The following DLG2 variants were observed in gnomAD, a reference collection of about 807,000 sequenced individuals.
The protein encoded by DLG2 is discs large MAGUK scaffold protein 2.
DLG2 carries 45 observed loss-of-function variants against 132.5 expected under a neutral mutation model. The ratio of observed to expected loss-of-function variants is 0.34; its 90% CI spans 0.27 to 0.44. The LOEUF (loss-of-function observed/expected upper bound fraction) is 0.44. Ranked by LOEUF, DLG2 falls within the 20% of genes least tolerant of loss-of-function variation. The pLI is 1.00. For missense variants in DLG2, 1,045 were observed against 1,196.9 expected (o/e 0.87, Z 1.87); for synonymous variants, 424 against 419.6 (o/e 1.01, Z -0.13).
At chr11:85,497,275 G>T (rs559674222) in intron 3 of DLG2, among the ~76,000 whole-genome samples, 2 of 151,878 alleles carry the variant, frequency 1.3e-5, no homozygotes, top group East Asian at 3.9e-4. Flanking sequence ...AGAATTTAGT[G>T]AAGCATACAC....
intron 19 of DLG2, among the ~76,000 whole-genome samples, chr11:83,577,647 T>A (rs1421051521): frequency 8.0e-6 from 1 of 125,440 alleles, no homozygotes; most frequent in Non-Finnish European, 1.6e-5. Context: ...AGGATATATT[T>A]ATAATATATA....
At chr11:85,402,084 T>G (rs1001881969) in intron 3 of DLG2, among the ~76,000 whole-genome samples, 2 of 152,130 alleles carry the variant, frequency 1.3e-5, no homozygotes, top group Non-Finnish European at 2.9e-5. Context: ...CTACCTGACT[T>G]CAAACTATAC....
At chr11:85,187,581 C>T (rs1325629607) in intron 4 of DLG2, among the ~76,000 whole-genome samples, 1 of 151,962 alleles carries the variant, frequency 6.6e-6, no homozygotes, top group East Asian at 1.9e-4. Context: ...CAAAAGTGTA[C>T]AACAAATTGA....
intron 6 of DLG2, among the ~76,000 whole-genome samples, chr11:85,080,386 T>C (rs957138706): frequency 1.3e-5 from 2 of 152,288 alleles, no homozygotes; most frequent in East Asian, 3.9e-4. Context: ...TGTCTAGTTT[T>C]GATAATGACA....
chr11:84,356,455 G>A (rs1185140589), intron 7 of DLG2, among the ~76,000 whole-genome samples: 1 of 152,020 alleles, frequency 6.6e-6, no homozygotes, highest in African/African-American at 2.4e-5. Flanking sequence ...TAAGAGCATG[G>A]CATTTGGAAA....
At chr11:84,557,610 T>C (rs1325167656) in intron 6 of DLG2, among the ~76,000 whole-genome samples, 1 of 152,144 alleles carries the variant, frequency 6.6e-6, no homozygotes, top group Non-Finnish European at 1.5e-5. Context: ...AACTAGATCA[T>C]TTCTTTTTAA....
rs144051003 is a variant in DLG2 at position 85,148,390 on chromosome 11, T to C, written c.282+6166A>G. ...CACCAAGAGTGTGAAAGCATTCCTG[T>C]TTCTCCACAGCCTCACCAGCATCTA... On this transcript the variant is annotated intron_variant, in intron 5 of 27. Transcript: ENST00000376104. Among the ~76,000 whole-genome samples the C allele has an allele frequency of 2.5e-3, 385 of 152,280 alleles. 3 individuals are homozygous for C. Among genetic ancestry groups the C allele is most frequent in the African/African-American group, 8.6e-3 (357 of 41,548 alleles).
At chr11:83,671,568 TG>T (rs2076829121) in intron 18 of DLG2, among the ~76,000 whole-genome samples, 1 of 152,210 alleles carries the variant, frequency 6.6e-6, no homozygotes, top group Non-Finnish European at 1.5e-5. Context: ...TGTGAGTATT[TG>T]GGATATAGCA....
intron 6 of DLG2, among the ~76,000 whole-genome samples, chr11:85,034,180 C>T (rs2061262611): frequency 6.6e-6 from 1 of 151,850 alleles, no homozygotes; most frequent in Non-Finnish European, 1.5e-5. Context: ...CAGGTTCACG[C>T]CATTCTCCTG....
At chr11:85,605,887 G>A (rs1031045994) in intron 2 of DLG2, among the ~76,000 whole-genome samples, 2 of 152,116 alleles carry the variant, frequency 1.3e-5, no homozygotes, top group Non-Finnish European at 2.9e-5. Flanking sequence ...GCTGAGGCAG[G>A]AAATCACTTG....
At chr11:85,479,423 G>T (rs286496) in intron 3 of DLG2, among the ~76,000 whole-genome samples, 2 of 152,100 alleles carry the variant, frequency 1.3e-5, no homozygotes, top group Non-Finnish European at 2.9e-5. Flanking sequence ...ACCTCCAAAA[G>T]GCCTCCAAAT....
chr11:84,879,417 A>G (rs965750152), intron 6 of DLG2, among the ~76,000 whole-genome samples: 1 of 152,166 alleles, frequency 6.6e-6, no homozygotes, highest in African/African-American at 2.4e-5. Context: ...ATGATTTTAC[A>G]AAACTATAGG....
At chr11:84,821,978 C>T (rs2077752846) in intron 6 of DLG2, among the ~76,000 whole-genome samples, 2 of 151,562 alleles carry the variant, frequency 1.3e-5, no homozygotes, top group Admixed American at 1.3e-4. Context: ...ATAAAAAATT[C>T]ACTGCCAAAT....
intron 4 of DLG2, among the ~76,000 whole-genome samples, chr11:85,180,595 T>C (rs2079623864): frequency 6.6e-6 from 1 of 151,880 alleles, no homozygotes; most frequent in African/African-American, 2.4e-5. Flanking sequence ...GATTTTGGAA[T>C]CCAACCTCAA....
chr11:85,113,064 T>A (rs1204120464), intron 5 of DLG2, among the ~76,000 whole-genome samples: 1 of 152,084 alleles, frequency 6.6e-6, no homozygotes, highest in Non-Finnish European at 1.5e-5. Flanking sequence ...TGAGTGACTA[T>A]GGATAAAGTC....
intron 3 of DLG2, among the ~76,000 whole-genome samples, chr11:85,441,738 A>G (rs560790058): frequency 1.3e-5 from 2 of 152,334 alleles, no homozygotes; most frequent in South Asian, 2.1e-4. Context: ...GGCAGAATCT[A>G]CTAATGTATA....
chr11:85,576,365 T>G (rs915174639), intron 3 of DLG2, among the ~76,000 whole-genome samples: 1 of 152,174 alleles, frequency 6.6e-6, no homozygotes, highest in Non-Finnish European at 1.5e-5. Flanking sequence ...ATTAACCTGA[T>G]GTACTTTCCT....
intron 6 of DLG2, among the ~76,000 whole-genome samples, chr11:84,748,818 C>A (rs1226357756): frequency 6.6e-6 from 1 of 152,108 alleles, no homozygotes; most frequent in Non-Finnish European, 1.5e-5. Context: ...AGAGGTTACA[C>A]AAAGATTATC....
intron 6 of DLG2, among the ~76,000 whole-genome samples, chr11:84,681,528 A>G (rs542847662): frequency 1.1e-4 from 16 of 152,104 alleles, no homozygotes; most frequent in Non-Finnish European, 2.2e-4. Context: ...TATGCTCACA[A>G]TGTGTGGTTC....
Sources: gnomAD v4.1 joint callset for allele counts (sites outside exome capture counted in the v4.1 genomes callset) on GRCh38, gnomAD v4.1.1 for gene constraint, MANE v1.5 for transcripts, NCBI Gene and HGNC (gene_info 2026-07-23, HGNC 2026-07-21) for gene names.